The following POLRMT variants were observed in gnomAD, a reference collection of about 807,000 sequenced individuals.
POLRMT encodes the protein DNA-directed RNA polymerase, mitochondrial.
POLRMT carries 114 observed loss-of-function variants against 132.2 expected under a neutral mutation model. The ratio of observed to expected loss-of-function variants is 0.86; its 90% CI spans 0.74 to 1.01. The LOEUF is 1.01. POLRMT is among the 50% of genes least tolerant of loss of function. The probability of loss-of-function intolerance (pLI) is 0.00; values close to 1 mark genes in which losing one functional copy is unlikely to be tolerated. For missense variants in POLRMT, 2,003 were observed against 1,729.1 expected, an observed-to-expected ratio of 1.16 and a Z score of -2.81; for synonymous variants, 1,020 against 773.4, an observed-to-expected ratio of 1.32 and a Z score of -5.29.
At chr19:633,329 A>T (rs1220904142) in intron 1 of POLRMT, 96 bp downstream of exon 1, 5 of 1,343,852 alleles carry the variant, frequency 3.7e-6, no homozygotes, top group Non-Finnish European at 4.8e-6. Flanking sequence ...GCCCAGGTGC[A>T]AAGAGGCAAA....
chr19:630,345 C>T (rs1985327203), intron 2 of POLRMT, among the ~76,000 whole-genome samples, 177 bp from the exon 3 acceptor site: 1 of 152,184 alleles, frequency 6.6e-6, no homozygotes, highest in Admixed American at 6.5e-5. Context: ...TTTCCAGACA[C>T]ACGCACCCCA....
Position 623,686 on chromosome 19 carries a change from G to C in POLRMT, c.1141-83C>G, listed in dbSNP as rs1984811395. ...GGACCCCGAGACAGCATGGGTGCAC[G>C]CGTTTCTGCGTCTCCTGCAAGTTGC... On this transcript the variant is annotated intron_variant, in intron 5 of 20. Transcript: ENST00000588649. 5 of 1,480,942 alleles carry C rather than the reference G, an allele frequency of 3.4e-6. No homozygotes were observed. The South Asian group carries it at 4.7e-5, about 14-fold the overall frequency. 91.7% of individuals were successfully genotyped at this position (1,480,942 alleles called of 1,614,324 possible).
At position 625,128 on chromosome 19, in the gene POLRMT, C is replaced by T. The variant is rs748096405; in HGVS notation, c.949G>A (p.Glu317Lys). ...GGCCCTCCCGACACCACCTACCTTT[C>T]GATGGTCCCGGCGTCCTGGTCCTGC... ...GRQDQDAGTI[E>K]RCLEQMSQEG... is the part of the protein sequence containing the mutation. Residue 317 changes from glutamate (E) to lysine (K), a missense_variant, in exon 4 of 21, where the codon GAA (glutamate) becomes AAA (lysine). Glu to Lys is a moderately conservative substitution (Grantham distance 56). Transcript: ENST00000588649. 6.8e-6 allele frequency: 11 copies of T among 1,612,268 alleles called. No individual in the cohort carries two copies. The highest frequency in any genetic ancestry group is 1.3e-5 in the African/African-American group (1 of 74,884).
chr19:629,313 C>T (rs1985236799), intron 3 of POLRMT, among the ~76,000 whole-genome samples: 2 of 151,972 alleles, frequency 1.3e-5, no homozygotes, highest in Admixed American at 1.3e-4. Context: ...CGAGAAAGAA[C>T]GGAAGGAAAT....
intron 1 of POLRMT, chr19:633,203 G>A (rs1985556793): frequency 3.4e-6 from 2 of 592,966 alleles, no homozygotes; most frequent in East Asian, 6.8e-5. Flanking sequence ...ACCACACCTG[G>A]GGTCAGGAGG....
In POLRMT at chr19:629,663, G is replaced by A. The variant is rs943561223; in HGVS notation, c.699C>T (p.Cys233=). 8.1e-6 allele frequency: 13 copies of A among 1,610,338 alleles called. No individual in the cohort carries two copies. In the Admixed American group the frequency reaches 2.0e-4, roughly 25 times the overall value. Residue 233 remains cysteine (C), a synonymous_variant, in exon 3 of 21, where the codon TGC becomes TGT. Transcript: ENST00000588649. Reference sequence around the variant, plus strand: ...CGAGGGGCAGCTGGTCAGTGAGCAGGCAGCACTTGAAGAAGGCCAGGAGCC... The same window carrying A: ...CGAGGGGCAGCTGGTCAGTGAGCAGACAGCACTTGAAGAAGGCCAGGAGCC... ...QQRLLAFFKC[C]LLTDQLPLAH...
rs760095517 is a variant in POLRMT at position 623,608 on chromosome 19, A to G, written c.1141-5T>C. On this transcript the variant is annotated splice_polypyrimidine_tract_variant and splice_region_variant and intron_variant, in intron 5 of 20. Coordinates refer to ENST00000588649, the MANE Select transcript of POLRMT (RefSeq NM_005035.4). ...CGGGTAGGACACACGCCCATCCTGC[A>G]GGGATGGGGGTAGTGAGGTTGGGGG... is the stretch of plus-strand genomic sequence containing the variant. 1.9e-6 allele frequency: 3 copies of G among 1,613,226 alleles called. No homozygotes were observed. Among genetic ancestry groups the G allele is most frequent in the African/African-American group, 1.3e-5 (1 of 74,920 alleles).
At chr19:627,388 G>A (rs187252884) in intron 3 of POLRMT, among the ~76,000 whole-genome samples, 71 of 151,128 alleles carry the variant, frequency 4.7e-4, no homozygotes, top group African/African-American at 1.7e-3. Flanking sequence ...TCCTGACCTC[G>A]TGATCCGCCC....
At chr19:622,044 G>A (rs1029967035) in intron 9 of POLRMT, 105 bp downstream of exon 9, 16 of 1,221,138 alleles carry the variant, frequency 1.3e-5, no homozygotes, top group African/African-American at 3.0e-5. Flanking sequence ...GGGAGGTACT[G>A]ACGGCTGCGC....
chr19:631,135 G>A (rs893846562), intron 2 of POLRMT, among the ~76,000 whole-genome samples: 4 of 151,638 alleles, frequency 2.6e-5, no homozygotes, highest in Non-Finnish European at 5.9e-5. Flanking sequence ...CTCCAGCCTG[G>A]GCAACAGAAC....
At position 624,847 on chromosome 19, in the gene POLRMT, G is replaced by A; in HGVS notation, c.1012C>T (p.Leu338=). 6.2e-7 allele frequency: 1 copy of A among 1,613,226 alleles called. No individual in the cohort carries two copies. Among genetic ancestry groups the A allele is most frequent in the South Asian group, 1.1e-5 (1 of 91,088 alleles). The change falls in exon 5 of 21, where the codon CTG becomes TTG. Residue 338 remains leucine, a synonymous_variant. Coordinates refer to ENST00000588649, the MANE Select transcript of POLRMT (RefSeq NM_005035.4). ...LKLQALFTAV[L]LSEEDRATVL... The stretch of plus-strand genomic sequence containing the variant: ...GTGGCCCGATCCTCCTCAGACAGCA[G>A]AACGGCGGTGAAGAGTGCCTGCAGC...
At position 619,631 on chromosome 19, in the gene POLRMT, G is replaced by A. The variant is rs772467131; in HGVS notation, c.3021C>T (p.Arg1007=). 6.2e-7 allele frequency: 1 copy of A among 1,610,690 alleles called. No homozygotes were observed. Among genetic ancestry groups the A allele is most frequent in the Non-Finnish European group, 8.5e-7 (1 of 1,179,654 alleles). Residue 1007 remains arginine (R), a synonymous_variant, in exon 13 of 21, where the codon CGC becomes CGT. Transcript: ENST00000588649. Reference sequence around the variant, plus strand: ...CCCGGAGGCGCTTCTCAATCTGCAGGCGCCCGCCATAGCGCGTGACCCCGT... The same window carrying A: ...CCCGGAGGCGCTTCTCAATCTGCAGACGCCCGCCATAGCGCGTGACCCCGT... ...VVYGVTRYGG[R]LQIEKRLREL...
intron 2 of POLRMT, among the ~76,000 whole-genome samples, chr19:631,456 G>A (rs1003596411): frequency 2.0e-5 from 3 of 151,790 alleles, no homozygotes; most frequent in Non-Finnish European, 2.9e-5. Flanking sequence ...TGGCTAACAC[G>A]GTGAAACCCC....
At chr19:623,089 A>G in intron 6 of POLRMT, 104 bp from the exon 7 acceptor site, 1 of 1,359,052 alleles carries the variant, frequency 7.4e-7, no homozygotes, top group Non-Finnish European at 9.9e-7. Flanking sequence ...CATGGCCCTC[A>G]AGGTCCCTGC....
rs758000666 is a variant in POLRMT, at chr19:618,536, T to C, written c.3374A>G (p.His1125Arg). The C allele has an allele frequency of 3.1e-6, 5 of 1,612,904 alleles. No individual in the cohort carries two copies. The Admixed American group carries it at 8.3e-5, about 27-fold the overall frequency. The change falls in exon 17 of 21, where the codon CAC becomes CGC. Residue 1125 changes from histidine (H) to arginine (R), a missense_variant. Coordinates refer to ENST00000588649, the MANE Select transcript of POLRMT (RefSeq NM_005035.4). ...QKNGFPPNFI[H>R]SLDSSHMMLT... ...CATCATGTGGGAGGAGTCCAGCGAGTGGATGAAGTTGGGCGGGAAGCCGTT... is the reference window on the plus strand; with the variant it reads ...CATCATGTGGGAGGAGTCCAGCGAGCGGATGAAGTTGGGCGGGAAGCCGTT...
chr19:620,461 C>T lies in POLRMT; in HGVS notation c.2667G>A (p.Glu889=). The T allele has an allele frequency of 6.3e-7, 1 of 1,598,966 alleles. No individual in the cohort carries two copies. The highest frequency in any genetic ancestry group is 8.5e-7 in the Non-Finnish European group (1 of 1,172,230). The change falls in exon 11 of 21, where the codon GAG becomes GAA. Residue 889 remains glutamate (E), a synonymous_variant. Transcript: ENST00000588649. Reference sequence around the variant, plus strand: ...AGCAGGCCAGCGTCTGCCAGGGTTCCTCCGCGCCCATCCACCACTTTCGGC... The same window carrying T: ...AGCAGGCCAGCGTCTGCCAGGGTTCTTCCGCGCCCATCCACCACTTTCGGC... The part of the protein sequence containing the change: ...LTGRKWWMGA[E]EPWQTLACCM...
intron 10 of POLRMT, among the ~76,000 whole-genome samples, chr19:620,843 C>A (rs1425825456): frequency 1.0e-5 from 1 of 97,228 alleles, no homozygotes; most frequent in Admixed American, 1.1e-4. Context: ...AGAAGCAGGA[C>A]GGGCAGGGGG....
rs757539693 is a variant in POLRMT, at chr19:619,334, C to T, written c.3067-38G>A. ...GGCAGCAGGTGCAGGTCCTCAGGGG[C>T]TGGCCCGTTCACGCCCTACTCCCCC... On this transcript the variant is annotated intron_variant, in intron 13 of 20. Coordinates refer to ENST00000588649, the MANE Select transcript of POLRMT (RefSeq NM_005035.4). 8 of 1,591,154 alleles carry T rather than the reference C, an allele frequency of 5.0e-6. No homozygotes were observed. In the East Asian group the frequency reaches 1.1e-4, roughly 22 times the overall value.
chr19:627,502 A>G (rs1985109568), intron 3 of POLRMT, among the ~76,000 whole-genome samples: 1 of 152,030 alleles, frequency 6.6e-6, no homozygotes, highest in Admixed American at 6.6e-5. Context: ...CTCACTGGCC[A>G]CACATAGTCC....
Sources: gnomAD v4.1 joint callset for allele counts (sites outside exome capture counted in the v4.1 genomes callset) on GRCh38, gnomAD v4.1.1 for gene constraint, MANE v1.5 for transcripts, NCBI Gene and HGNC (gene_info 2026-07-23, HGNC 2026-07-21) for gene names.